The following KANSL2 variants were observed in gnomAD, a reference collection of about 807,000 sequenced individuals.
The protein encoded by KANSL2 is KAT8 regulatory NSL complex subunit 2.
In KANSL2, 34 loss-of-function variants were observed where a neutral mutation model predicts 55.6. The observed-to-expected ratio is 0.61, with a 90% confidence interval of 0.46 to 0.81. The LOEUF is 0.81. Among genes scored for constraint, KANSL2 ranks in the 40% least tolerant of loss-of-function variants. KANSL2 has a pLI of 0.00. For missense variants in KANSL2, 502 were observed against 609.9 expected, an observed-to-expected ratio of 0.82 and a Z score of 1.86; for synonymous variants, 209 against 214.3, an observed-to-expected ratio of 0.98 and a Z score of 0.22.
rs1939925063 is a variant in KANSL2 at position 48,681,504 on chromosome 12, C to T, written c.129G>A (p.Gln43=). 1 of 1,613,858 alleles carries T rather than the reference C, an allele frequency of 6.2e-7. No individual in the cohort carries two copies. Among genetic ancestry groups the T allele is most frequent in the African/African-American group, 1.3e-5 (1 of 74,908 alleles). The stretch of plus-strand genomic sequence containing the variant: ...CAAGGATATGCTTAATGCAAAACTC[C>T]TGCCCCTCCAGACGAGGGTGAGAGC... ...RPCSHPRLEG[Q]EFCIKHILED... is the part of the protein sequence containing the mutation. The change falls in exon 2 of 10, where the codon CAG becomes CAA. Residue 43 remains glutamine (Q), a synonymous_variant. Transcript: ENST00000420613.
At chr12:48,681,806 T>A in intron 1 of KANSL2, 165 bp from the exon 2 acceptor site, 1 of 817,110 alleles carries the variant, frequency 1.2e-6, no homozygotes, top group Non-Finnish European at 2.1e-6. Flanking sequence ...CATCTGTGGC[T>A]TTGCCTCCCT....
At chr12:48,681,140 AAG>A (rs1176810282) in intron 2 of KANSL2, 8 of 311,804 alleles carry the variant, frequency 2.6e-5, no homozygotes, top group South Asian at 1.4e-4. Flanking sequence ...AAAAAAAAAA[AAG>A]ACTAATTTAG....
In KANSL2 at chr12:48,669,270, T is replaced by C. The variant is rs1430439929; in HGVS notation, c.712A>G (p.Ser238Gly). ...CCCTCTGGGCCAGTCAGGAGACTAC[T>C]GCCTAGAGTTACAAGAGTCAAGATG... Reference protein sequence around the residue: ...NRKVEHEALGSSLLTGPEGLL... With the variant: ...NRKVEHEALGGSLLTGPEGLL... Residue 238 changes from serine to glycine, a missense_variant and splice_region_variant, in exon 6 of 10, where the codon AGT (serine) becomes GGT (glycine). Physicochemically the swap from Ser to Gly is moderately conservative, Grantham distance 56. Transcript: ENST00000420613. The C allele has an allele frequency of 6.4e-7, 1 of 1,553,320 alleles. No homozygotes were observed. The highest frequency in any genetic ancestry group is 8.7e-7 in the Non-Finnish European group (1 of 1,149,770).
chr12:48,662,880 G>A (rs1895994), intron 7 of KANSL2, among the ~76,000 whole-genome samples: 34,005 of 151,120 alleles, frequency 0.23, 4,799 homozygotes, highest in Non-Finnish European at 0.33. Flanking sequence ...ATTCATGCTC[G>A]CCTTAAAAAA....
At chr12:48,662,771 CTTTATA>C (rs1215736759) in intron 7 of KANSL2, 9 of 568,844 alleles carry the variant, frequency 1.6e-5, no homozygotes, top group African/African-American at 4.1e-5. Context: ...TTCAATTTTG[CTTTATA>C]TTTATATTTT....
intron 2 of KANSL2, among the ~76,000 whole-genome samples, chr12:48,680,218 CCAG>C (rs1474129265): frequency 6.6e-6 from 1 of 152,098 alleles, no homozygotes; most frequent in Admixed American, 6.5e-5. Flanking sequence ...ACCACTGTGC[CCAG>C]CAAATTTTTT....
rs761083489 is a variant in KANSL2 at position 48,660,446 on chromosome 12, G to T, written c.1147C>A (p.Leu383Met). 6.8e-6 allele frequency: 11 copies of T among 1,613,822 alleles called. No homozygotes were observed. The South Asian group carries it at 1.2e-4, about 18-fold the overall frequency. Residue 383 changes from leucine to methionine, a missense_variant, in exon 8 of 10, where the codon CTG (leucine) becomes ATG (methionine). Leu to Met is a conservative substitution (Grantham distance 15). Coordinates refer to ENST00000420613, the MANE Select transcript of KANSL2 (RefSeq NM_017822.4). The stretch of plus-strand genomic sequence containing the variant: ...TACAGATCCATGGGGCCGGCTTCCA[G>T]ATCGTCTGGCACAGACAGTACCTGC... Reference protein sequence around the residue: ...PEQVLSVPDDLEAGPMDLYLS... With the variant: ...PEQVLSVPDDMEAGPMDLYLS...
At chr12:48,679,952 T>C (rs1158294366) in intron 2 of KANSL2, 119 bp from the exon 3 acceptor site, 16 of 906,198 alleles carry the variant, frequency 1.8e-5, no homozygotes, top group Non-Finnish European at 2.6e-5. Flanking sequence ...CATTCATTTC[T>C]AAAAATGCAA....
At chr12:48,657,748 C>T (rs1939413526) in intron 8 of KANSL2, among the ~76,000 whole-genome samples, 1 of 152,096 alleles carries the variant, frequency 6.6e-6, no homozygotes, top group African/African-American at 2.4e-5. Context: ...TCCCCAGTAG[C>T]TGGGATTACA....
intron 8 of KANSL2, 53 bp from the exon 9 acceptor site, chr12:48,655,113 T>C (rs532268354): frequency 1.7e-5 from 26 of 1,532,264 alleles, no homozygotes; most frequent in Non-Finnish European, 2.2e-5. Flanking sequence ...AGTAATAAAG[T>C]TGGCATGTTT....
At chr12:48,678,797 T>C (rs566525315) in intron 4 of KANSL2, among the ~76,000 whole-genome samples, 4 of 152,308 alleles carry the variant, frequency 2.6e-5, no homozygotes, top group East Asian at 3.9e-4. Context: ...TCCCCTATAC[T>C]TTCTCATACG....
At chr12:48,680,837 G>A (rs1395954624) in intron 2 of KANSL2, among the ~76,000 whole-genome samples, 1 of 151,822 alleles carries the variant, frequency 6.6e-6, no homozygotes, top group Non-Finnish European at 1.5e-5. Flanking sequence ...AATTAGCCGG[G>A]CATAGTGGCG....
Position 48,660,455 on chromosome 12 carries a change from G to A in KANSL2, c.1138C>T (p.Pro380Ser), listed in dbSNP as rs764789685. The A allele has an allele frequency of 5.0e-5, 81 of 1,613,756 alleles. No homozygotes were observed. The Admixed American group carries it at 1.4e-3, about 27-fold the overall frequency. ...MYKPEQVLSV[P>S]DDLEAGPMDL... ...ATGGGGCCGGCTTCCAGATCGTCTG[G>A]CACAGACAGTACCTGCTCGGGCTTA... The change falls in exon 8 of 10, where the codon CCA becomes TCA. Residue 380 changes from proline (P) to serine (S), a missense_variant. Physicochemically the swap from Pro to Ser is moderately conservative, Grantham distance 74 (BLOSUM62 -1). Coordinates refer to ENST00000420613, the MANE Select transcript of KANSL2 (RefSeq NM_017822.4).
In KANSL2 at chr12:48,662,940, C is replaced by G. The variant is rs1939515958; in HGVS notation, c.974-2321G>C. ...AAAGGGCATTCACAACCACACCATG[C>G]ACAAATTATCACATTTCTGTATTGT... is the stretch of plus-strand genomic sequence containing the variant. On this transcript the variant is annotated intron_variant, in intron 7 of 9. Transcript: ENST00000420613. Among the ~76,000 whole-genome samples, 4 of 152,142 alleles carry G rather than the reference C, an allele frequency of 2.6e-5. No homozygotes were observed. The South Asian group carries it at 8.3e-4, about 32-fold the overall frequency.
At chr12:48,672,596 A>G (rs899978545) in intron 4 of KANSL2, among the ~76,000 whole-genome samples, 1 of 150,760 alleles carries the variant, frequency 6.6e-6, no homozygotes, top group Non-Finnish European at 1.5e-5. Flanking sequence ...CCACTTGGTT[A>G]ATTTTTGTAT....
Position 48,660,767 on chromosome 12 carries a change from A to G in KANSL2, c.974-148T>C, listed in dbSNP as rs146719804. 3.5e-4 allele frequency: 289 copies of G among 823,002 alleles called. 1 individual carries two copies. In the Middle Eastern group the frequency reaches 3.7e-3, roughly 11 times the overall value. 51.0% of individuals were successfully genotyped at this position (823,002 alleles called of 1,614,324 possible). ...ATACAGAATACCAAATGCAGTTAGC[A>G]ATTTTTAAAGTTACTTCTCAAAATA... On this transcript the variant is annotated intron_variant, in intron 7 of 9. Transcript: ENST00000420613.
rs757694686 is a variant in KANSL2 at position 48,654,946 on chromosome 12, T to C, written c.1342A>G (p.Ile448Val). The C allele has an allele frequency of 6.4e-7, 1 of 1,564,812 alleles. No homozygotes were observed. Among genetic ancestry groups the C allele is most frequent in the Admixed American group, 1.9e-5 (1 of 52,088 alleles). The change falls in exon 9 of 10, where the codon ATT becomes GTT. Residue 448 changes from isoleucine (I) to valine (V), a missense_variant. Transcript: ENST00000420613. ...VKEIAEDPVD[I>V]LGQMQMAGDG... ...TGGGACTGTTCTTCACTTGCCAAAA[T>C]ATCCACTGGGTCTTCAGCAATTTCT... is the stretch of plus-strand genomic sequence containing the variant.
chr12:48,659,492 A>G (rs1458873968), intron 8 of KANSL2, among the ~76,000 whole-genome samples: 1 of 152,046 alleles, frequency 6.6e-6, no homozygotes, highest in African/African-American at 2.4e-5. Flanking sequence ...GCATGGTGGC[A>G]TAAACCTATA....
chr12:48,653,841 C>T lies in KANSL2; in HGVS notation c.*203G>A, dbSNP rs1326720634. The T allele has an allele frequency of 2.2e-6, 1 of 453,452 alleles. No individual in the cohort carries two copies. The highest frequency in any genetic ancestry group is 3.8e-6 in the Non-Finnish European group (1 of 260,240). 28.1% of individuals were successfully genotyped at this position (453,452 alleles called of 1,614,324 possible). ...TCCCAGAAGCTTTGATAGGGATTATCTCTCTTTCTCTTCCTTGCCCTGAGT... is the reference window on the plus strand; with the variant it reads ...TCCCAGAAGCTTTGATAGGGATTATTTCTCTTTCTCTTCCTTGCCCTGAGT... On this transcript the variant is annotated 3_prime_UTR_variant, in exon 10 of 10. Transcript: ENST00000420613.
Sources: allele counts gnomAD v4.1 joint callset (sites outside exome capture counted in the v4.1 genomes callset), GRCh38; gene constraint gnomAD v4.1.1; transcripts MANE v1.5; gene names NCBI Gene and HGNC (gene_info 2026-07-23, HGNC 2026-07-21).